The following DLG5 variants were observed in gnomAD, a reference collection of about 807,000 sequenced individuals.
DLG5 encodes discs large MAGUK scaffold protein 5.
A neutral mutation model predicts 189.8 loss-of-function variants in DLG5; 48 were observed. The ratio of observed to expected loss-of-function variants is 0.25; its 90% CI spans 0.20 to 0.32. DLG5 has a LOEUF of 0.32. DLG5 is among the 10% of genes least tolerant of loss of function. DLG5 has a pLI of 1.00. For synonymous variants in DLG5, 1,016 were observed against 1,054.1 expected (o/e 0.96, Z 0.70); for missense variants, 2,160 against 2,544.7 (o/e 0.85, Z 3.25).
chr10:77,794,835 G>A lies in DLG5; in HGVS notation c.5546+14C>T. On this transcript the variant is annotated intron_variant, in intron 30 of 31. Transcript: ENST00000372391. ...GACAAGGCCCCAGCGGAGCCCAGGGGGCCAGTTACCTACTTGATGTGCTTG... is the reference window on the plus strand; with the variant it reads ...GACAAGGCCCCAGCGGAGCCCAGGGAGCCAGTTACCTACTTGATGTGCTTG... 6.2e-7 allele frequency: 1 copy of A among 1,610,328 alleles called. No individual in the cohort carries two copies. Among genetic ancestry groups the A allele is most frequent in the Non-Finnish European group, 8.5e-7 (1 of 1,176,850 alleles).
intron 15 of DLG5, 37 bp from the exon 16 acceptor site, chr10:77,820,055 G>C: frequency 6.2e-7 from 1 of 1,609,918 alleles, no homozygotes; most frequent in South Asian, 1.1e-5. Flanking sequence ...GCTAGAAAGA[G>C]TGGAGTGTGG....
intron 3 of DLG5, 23 bp downstream of exon 3, chr10:77,856,707 A>T (rs769926122): frequency 6.2e-7 from 1 of 1,608,322 alleles, no homozygotes; most frequent in Non-Finnish European, 8.5e-7. Flanking sequence ...GGGCCTGGGC[A>T]GGGGAGACGG....
chr10:77,896,103 T>A (rs944254607), intron 1 of DLG5, among the ~76,000 whole-genome samples: 1 of 150,520 alleles, frequency 6.6e-6, no homozygotes, highest in Non-Finnish European at 1.5e-5. Flanking sequence ...AAGTTTGCAG[T>A]GAGCCAAGAT....
intron 29 of DLG5, among the ~76,000 whole-genome samples, chr10:77,795,540 C>G (rs1840866868): frequency 6.6e-6 from 1 of 152,096 alleles, no homozygotes; most frequent in African/African-American, 2.4e-5. Flanking sequence ...AAATGGAGCC[C>G]AAGGAGCGGC....
intron 26 of DLG5, 36 bp downstream of exon 26, chr10:77,806,718 ACCCC>A: frequency 3.1e-4 from 411 of 1,332,734 alleles, no homozygotes; most frequent in Non-Finnish European, 4.1e-4. Flanking sequence ...GCCCTCGGCG[ACCCC>A]TGCCCCACCC....
In DLG5 at chr10:77,830,889, G is replaced by T. The variant is rs943080502; in HGVS notation, c.1749-16C>A. On this transcript the variant is annotated splice_polypyrimidine_tract_variant and intron_variant, in intron 9 of 31. Transcript: ENST00000372391. ...CATCTGTTCCCTGTGAACAGAGAGAGCCACGGTGACAGCCCCTTGGGAGGT... is the reference window on the plus strand; with the variant it reads ...CATCTGTTCCCTGTGAACAGAGAGATCCACGGTGACAGCCCCTTGGGAGGT... 1.9e-6 allele frequency: 3 copies of T among 1,613,288 alleles called. No homozygotes were observed. The African/African-American group carries it at 4.0e-5, about 22-fold the overall frequency.
intron 3 of DLG5, among the ~76,000 whole-genome samples, chr10:77,855,668 T>G (rs1844195018): frequency 6.6e-6 from 1 of 152,260 alleles, no homozygotes; most frequent in Non-Finnish European, 1.5e-5. Flanking sequence ...TCACTCATCC[T>G]GCCTTCGGGC....
intron 1 of DLG5, among the ~76,000 whole-genome samples, chr10:77,876,047 C>A (rs1845077110): frequency 6.6e-6 from 1 of 152,004 alleles, no homozygotes; most frequent in Non-Finnish European, 1.5e-5. Flanking sequence ...GCCTTATATG[C>A]CACCCGAGGG....
intron 1 of DLG5, among the ~76,000 whole-genome samples, chr10:77,894,095 G>A (rs1261858004): frequency 6.6e-6 from 1 of 152,196 alleles, no homozygotes. Flanking sequence ...GATCTCTATC[G>A]CCTACTCAGA....
chr10:77,938,588 G>A, the DLG5 span, among the ~76,000 whole-genome samples: 1 of 152,174 alleles, frequency 6.6e-6, no homozygotes, highest in Non-Finnish European at 1.5e-5. Flanking sequence ...AGGTCTGAGA[G>A]GACCAGTATC....
chr10:77,938,754 A>G, the DLG5 span, among the ~76,000 whole-genome samples: 3 of 152,326 alleles, frequency 2.0e-5, no homozygotes, highest in East Asian at 5.8e-4. Context: ...GAGCAGCTCC[A>G]TCATACAGAT....
chr10:77,847,226 G>T (rs1843738882), intron 5 of DLG5, among the ~76,000 whole-genome samples: 1 of 152,122 alleles, frequency 6.6e-6, no homozygotes, highest in African/African-American at 2.4e-5. Flanking sequence ...CGGGTCAGAA[G>T]ACCGAGAGAG....
rs1039056398 is a variant in DLG5 at position 77,841,744 on chromosome 10, T to G, written c.1437+137A>C. 47 of 949,740 alleles carry G rather than the reference T, an allele frequency of 4.9e-5. 1 individual carries two copies. Among genetic ancestry groups the G allele is most frequent in the Non-Finnish European group, 6.5e-5 (42 of 646,174 alleles). 58.8% of individuals were successfully genotyped at this position (949,740 alleles called of 1,614,324 possible). ...CTCAGGCAGTGTCTGATAACCCAGC[T>G]TGCACTTAGGCCTCCAGTGAGAAGC... On this transcript the variant is annotated intron_variant, in intron 7 of 31. Coordinates refer to ENST00000372391, the MANE Select transcript of DLG5 (RefSeq NM_004747.4).
intron 1 of DLG5, among the ~76,000 whole-genome samples, chr10:77,922,106 C>G (rs1460436484): frequency 6.6e-6 from 1 of 152,196 alleles, no homozygotes; most frequent in Non-Finnish European, 1.5e-5. Flanking sequence ...ATTCCCCCAA[C>G]AAGGCGGCAA....
At chr10:77,869,795 G>A (rs940022028) in intron 1 of DLG5, among the ~76,000 whole-genome samples, 1 of 152,046 alleles carries the variant, frequency 6.6e-6, no homozygotes. Context: ...CCTGGTTGTG[G>A]ACACACAACC....
At chr10:77,855,278 A>G (rs750928031) in intron 3 of DLG5, among the ~76,000 whole-genome samples, 5 of 152,198 alleles carry the variant, frequency 3.3e-5, no homozygotes, top group Non-Finnish European at 7.3e-5. Flanking sequence ...ACTTGTCACA[A>G]ATAGACATTC....
intron 1 of DLG5, among the ~76,000 whole-genome samples, chr10:77,888,170 T>C (rs1845496749): frequency 6.6e-6 from 1 of 152,092 alleles, no homozygotes; most frequent in South Asian, 2.1e-4. Flanking sequence ...AGATGAGAGG[T>C]GGGCGGGGAG....
rs1346316625 is a variant in DLG5 at position 77,853,408 on chromosome 10, C to T, written c.810G>A (p.Arg270=). The T allele has an allele frequency of 6.2e-7, 1 of 1,605,942 alleles. No homozygotes were observed. The highest frequency in any genetic ancestry group is 1.1e-5 in the South Asian group (1 of 89,202). Residue 270 remains arginine (R), a synonymous_variant, in exon 5 of 32, where the codon CGG becomes CGA. Transcript: ENST00000372391. The stretch of plus-strand genomic sequence containing the variant: ...TCTCCTTCTGGTCCTCCTCGTGGAG[C>T]CGCTTCATGTCCTCCCATGACTGCT... ...LLQQSWEDMK[R]LHEEDQKEIG...
chr10:77,879,400 TC>T (rs1421792723), intron 1 of DLG5, among the ~76,000 whole-genome samples: 1 of 152,036 alleles, frequency 6.6e-6, no homozygotes, highest in Non-Finnish European at 1.5e-5. Context: ...AGGGCTTTAT[TC>T]AGAGTGAGAC....
Sources: allele counts gnomAD v4.1 joint callset (sites outside exome capture counted in the v4.1 genomes callset), GRCh38; gene constraint gnomAD v4.1.1; transcripts MANE v1.5; gene names NCBI Gene and HGNC (gene_info 2026-07-23, HGNC 2026-07-21).